TMEM132C: variants seen among roughly 807,000 people sequenced by gnomAD.
The protein encoded by TMEM132C is protein phosphatase 1, regulatory subunit 152.
In TMEM132C, 29 loss-of-function variants were observed where a neutral mutation model predicts 61.4. That is an observed-to-expected ratio of 0.47 (90% confidence interval 0.35 to 0.64). The LOEUF (loss-of-function observed/expected upper bound fraction) is 0.64, where lower values mean the gene tolerates loss of function less well. Among genes scored for constraint, TMEM132C ranks in the 30% least tolerant of loss-of-function variants. The pLI, the probability that TMEM132C is intolerant of heterozygous loss-of-function variation, is 0.00. For missense variants in TMEM132C, 1,408 were observed against 1,476.9 expected (o/e 0.95, Z 0.76); for synonymous variants, 656 against 633.1 (o/e 1.04, Z -0.54).
In TMEM132C at chr12:128,624,499, G is replaced by A. The variant is rs113812171; in HGVS notation, c.1305+8164G>A. Among the ~76,000 whole-genome samples, 1,072 of 145,706 alleles carry A rather than the reference G, an allele frequency of 7.4e-3. 17 individuals carry two copies. Among genetic ancestry groups the A allele is most frequent in the African/African-American group, 0.026 (998 of 38,706 alleles). ...GCAGAGGTTGCAGTGAGCCGAGATC[G>A]TGCCATTGCACTCCAACCTGGGTGA... is the stretch of plus-strand genomic sequence containing the variant. On this transcript the variant is annotated intron_variant, in intron 4 of 8. Transcript: ENST00000435159.
chr12:128,628,101 C>T (rs957409087), intron 4 of TMEM132C, among the ~76,000 whole-genome samples: 7 of 152,144 alleles, frequency 4.6e-5, no homozygotes, highest in African/African-American at 1.7e-4. Context: ...CAGTCTCCCC[C>T]CACCTCACCA....
intron 3 of TMEM132C, among the ~76,000 whole-genome samples, chr12:128,551,496 G>A (rs1471314522): frequency 6.6e-6 from 1 of 152,178 alleles, no homozygotes; most frequent in Admixed American, 6.5e-5. Context: ...TCGGCAGTCA[G>A]GCAAAGTCAG....
intron 3 of TMEM132C, among the ~76,000 whole-genome samples, chr12:128,553,101 CT>C (rs201158075): frequency 0.04 from 6,072 of 152,212 alleles, 429 homozygotes; most frequent in African/African-American, 0.14. Context: ...GAAGAATTGT[CT>C]TTGGGCCACA....
At chr12:128,402,154 T>C (rs1180142367) in intron 1 of TMEM132C, among the ~76,000 whole-genome samples, 2 of 151,958 alleles carry the variant, frequency 1.3e-5, no homozygotes, top group South Asian at 4.2e-4. Flanking sequence ...CTCCAGAAAA[T>C]GGAAAAGGGA....
chr12:128,470,452 C>T (rs1347297644), intron 2 of TMEM132C, among the ~76,000 whole-genome samples: 5 of 152,118 alleles, frequency 3.3e-5, no homozygotes, highest in African/African-American at 1.2e-4. Flanking sequence ...TCTGTGGTCT[C>T]CTCTGCTACC....
At chr12:128,475,178 C>T (rs1398187716) in intron 2 of TMEM132C, among the ~76,000 whole-genome samples, 2 of 152,132 alleles carry the variant, frequency 1.3e-5, no homozygotes, top group East Asian at 1.9e-4. Flanking sequence ...GGTCAGGTTA[C>T]AGCCAGAAGG....
At position 128,570,488 on chromosome 12, in the gene TMEM132C, G is replaced by A. The variant is rs775994363; in HGVS notation, c.1121+26385G>A. On this transcript the variant is annotated intron_variant, in intron 3 of 8. Transcript: ENST00000435159. This position sits in a 1 kb window ranked among gnomAD's most constrained non-coding sequence, Gnocchi z 4.7. The stretch of plus-strand genomic sequence containing the variant: ...TTTTTTACGTGTCACTCCCCTAATG[G>A]GTGTTTTTACTGATGCCATGAACAG... 6.6e-6 allele frequency among the ~76,000 whole-genome samples: 1 copy of A among 152,062 alleles called. No homozygotes were observed. Among genetic ancestry groups the A allele is most frequent in the Non-Finnish European group, 1.5e-5 (1 of 68,034 alleles).
intron 2 of TMEM132C, among the ~76,000 whole-genome samples, chr12:128,493,801 A>T (rs1015288304): frequency 9.2e-5 from 14 of 152,152 alleles, no homozygotes; most frequent in Admixed American, 9.2e-4. Flanking sequence ...GCAAACAGGG[A>T]CAATTTGACT....
At chr12:128,525,035 G>C (rs542748059) in intron 2 of TMEM132C, among the ~76,000 whole-genome samples, 215 of 152,284 alleles carry the variant, frequency 1.4e-3, no homozygotes, top group Non-Finnish European at 2.4e-3. Flanking sequence ...GCAGACCCTT[G>C]AGAGGACTGG....
chr12:128,648,312 G>A lies in TMEM132C; in HGVS notation c.1306-21105G>A, dbSNP rs375585227. 4.0e-5 allele frequency among the ~76,000 whole-genome samples: 6 copies of A among 150,674 alleles called. No individual in the cohort carries two copies. The East Asian group carries it at 1.2e-3, about 30-fold the overall frequency. On this transcript the variant is annotated intron_variant, in intron 4 of 8. Coordinates refer to ENST00000435159, the MANE Select transcript of TMEM132C (RefSeq NM_001136103.3). ...TGTTTACTGGAGTCCATTAGCATTG[G>A]AAGTGAGTGTGTTTACTGGAGTCCA...
At chr12:128,492,959 C>G (rs1871797412) in intron 2 of TMEM132C, among the ~76,000 whole-genome samples, 1 of 152,146 alleles carries the variant, frequency 6.6e-6, no homozygotes, top group Non-Finnish European at 1.5e-5. Context: ...CCTAGGTTTT[C>G]TTCTAGGGTT....
At chr12:128,541,778 G>A (rs1441771926) in intron 2 of TMEM132C, among the ~76,000 whole-genome samples, 2 of 152,172 alleles carry the variant, frequency 1.3e-5, no homozygotes, top group Non-Finnish European at 2.9e-5. Flanking sequence ...TGTTTGGAGA[G>A]GCCATAGTGT....
intron 1 of TMEM132C, among the ~76,000 whole-genome samples, chr12:128,344,895 A>C (rs184126667): frequency 2.0e-5 from 3 of 151,614 alleles, no homozygotes; most frequent in South Asian, 2.1e-4. Flanking sequence ...TGTTGAGCCT[A>C]ATGCTTTCCT....
chr12:128,560,368 C>A (rs185802852), intron 3 of TMEM132C, among the ~76,000 whole-genome samples: 10 of 152,310 alleles, frequency 6.6e-5, no homozygotes, highest in African/African-American at 1.9e-4. Context: ...GGACCTTACC[C>A]CATGCTTCTC....
chr12:128,587,948 T>C (rs931385309), intron 3 of TMEM132C, among the ~76,000 whole-genome samples: 1 of 152,120 alleles, frequency 6.6e-6, no homozygotes, highest in African/African-American at 2.4e-5. Flanking sequence ...AGCTTAAGGA[T>C]AATAGTAATA....
At chr12:128,577,072 G>T (rs146305881) in intron 3 of TMEM132C, among the ~76,000 whole-genome samples, 1 of 152,008 alleles carries the variant, frequency 6.6e-6, no homozygotes, top group African/African-American at 2.4e-5. Flanking sequence ...CCACTAGCAG[G>T]CATTTGACCT....
Position 128,684,755 on chromosome 12 carries a change from A to G in TMEM132C, c.1450-9074A>G, listed in dbSNP as rs190349986. Among the ~76,000 whole-genome samples, 50 of 152,310 alleles carry G rather than the reference A, an allele frequency of 3.3e-4. No individual in the cohort carries two copies. In the East Asian group the frequency reaches 8.9e-3, roughly 27 times the overall value. Reference sequence around the variant, plus strand: ...AGAGCATAGACATTGTCTCAGAAATATTGCTTAGCCCTGACTTTTCTCTGC... The same window carrying G: ...AGAGCATAGACATTGTCTCAGAAATGTTGCTTAGCCCTGACTTTTCTCTGC... On this transcript the variant is annotated intron_variant, in intron 5 of 8. Transcript: ENST00000435159.
chr12:128,626,885 C>G (rs1439323005), intron 4 of TMEM132C, among the ~76,000 whole-genome samples: 1 of 152,238 alleles, frequency 6.6e-6, no homozygotes, highest in Non-Finnish European at 1.5e-5. Flanking sequence ...AGAGAAATAG[C>G]TCAGGCCTGC....
intron 5 of TMEM132C, among the ~76,000 whole-genome samples, chr12:128,688,068 G>A (rs779499639): frequency 2.6e-5 from 4 of 152,198 alleles, no homozygotes; most frequent in Non-Finnish European, 4.4e-5. Flanking sequence ...AGGAAACGTG[G>A]GCAGAGCCAC....
Sources: gnomAD v4.1 joint callset for allele counts (sites outside exome capture counted in the v4.1 genomes callset) on GRCh38, gnomAD v4.1.1 for gene constraint, Gnocchi (gnomAD v3.1) non-coding constraint, MANE v1.5 for transcripts, NCBI Gene and HGNC (gene_info 2026-07-23, HGNC 2026-07-21) for gene names.